Variants in PARVA observed in about 807,000 individuals in gnomAD.
The protein encoded by PARVA is parvin alpha, also known as alpha-parvin.
PARVA carries 25 observed loss-of-function variants against 52.6 expected under a neutral mutation model. That is an observed-to-expected ratio of 0.48 (90% CI 0.35 to 0.66). The LOEUF is 0.66. Ranked by LOEUF, PARVA falls within the 30% of genes least tolerant of loss-of-function variation. The pLI is 0.01. For synonymous variants in PARVA, 185 were observed against 179.1 expected, an observed-to-expected ratio of 1.03 and a Z score of -0.26; for missense variants, 373 against 450.9, an observed-to-expected ratio of 0.83 and a Z score of 1.56.
intron 8 of PARVA, chr11:12,513,037 A>G: frequency 1.6e-6 from 1 of 641,516 alleles, no homozygotes; most frequent in Non-Finnish European, 2.9e-6. Flanking sequence ...CCCGGGTCAC[A>G]CTACCTAAAA....
chr11:12,447,649 G>C (rs1472155705), intron 1 of PARVA, among the ~76,000 whole-genome samples: 1 of 152,114 alleles, frequency 6.6e-6, no homozygotes, highest in Admixed American at 6.5e-5. Context: ...TTTAATAGTA[G>C]AAAAAAACTG....
At position 12,453,075 on chromosome 11, in the gene PARVA, C is replaced by T. The variant is rs144640047; in HGVS notation, c.137-20670C>T. 2.4e-3 allele frequency: 1,070 copies of T among 454,088 alleles called. 7 individuals carry two copies. The highest frequency in any genetic ancestry group is 0.011 in the African/African-American group (567 of 49,916). The allele number at this position is 454,088 out of a possible 1,614,324, so 28.1% of individuals were successfully genotyped here. ...AAAGTTGAACGTGCTGTGGTGGGAG[C>T]GATTCTTTGTTGGGGGGGCGCCCTG... On this transcript the variant is annotated intron_variant, in intron 1 of 12. Transcript: ENST00000334956.
chr11:12,396,906 CTCCTTTCCTTTCATGTACTTGTTTTCTT>C (rs1295009859), intron 1 of PARVA, among the ~76,000 whole-genome samples: 88 of 148,592 alleles, frequency 5.9e-4, no homozygotes, highest in East Asian at 1.4e-3. Flanking sequence ...TTCTTCCTTT[CTCCTTTCCTTTCATGTACTTGTTTTCTT>C]TCCTTTCCTT....
At chr11:12,387,356 C>T (rs564426600) in intron 1 of PARVA, among the ~76,000 whole-genome samples, 41 of 152,244 alleles carry the variant, frequency 2.7e-4, no homozygotes, top group South Asian at 1.2e-3. Context: ...TGAGGGTAGC[C>T]GTTGTGTGGT....
chr11:12,456,549 C>T (rs1393357317), intron 1 of PARVA, among the ~76,000 whole-genome samples: 1 of 152,056 alleles, frequency 6.6e-6, no homozygotes, highest in African/African-American at 2.4e-5. Flanking sequence ...GGATTAAACT[C>T]ATACTTGGTA....
At position 12,531,993 on chromosome 11, in the gene PARVA, CTG is replaced by C. The variant is rs1369825346; in HGVS notation, c.*4072_*4073del. Among the ~76,000 whole-genome samples the C allele has an allele frequency of 2.0e-5, 3 of 152,302 alleles. No homozygotes were observed. The highest frequency in any genetic ancestry group is 2.1e-4 in the South Asian group (1 of 4,824). On this transcript the variant is annotated 3_prime_UTR_variant, in exon 13 of 13. Transcript: ENST00000334956. ...ACATTTACAAATACCAGAGTTTCGA[CTG>C]TGTTTTTACTCTCTGCTCCCTGAAA... is the stretch of plus-strand genomic sequence containing the variant.
chr11:12,482,884 G>T (rs1245184588), intron 4 of PARVA, among the ~76,000 whole-genome samples: 2 of 152,192 alleles, frequency 1.3e-5, no homozygotes, highest in African/African-American at 4.8e-5. Flanking sequence ...TGAGATTTGG[G>T]CAAGGACACA....
chr11:12,458,249 T>C (rs1046865405), intron 1 of PARVA, among the ~76,000 whole-genome samples: 11 of 152,182 alleles, frequency 7.2e-5, no homozygotes, highest in African/African-American at 2.4e-4. Flanking sequence ...CATGAAATAA[T>C]GAATGGACAG....
chr11:12,504,136 C>A (rs368301650), intron 5 of PARVA, among the ~76,000 whole-genome samples, 178 bp from the exon 6 acceptor site: 1 of 152,110 alleles, frequency 6.6e-6, no homozygotes. Flanking sequence ...CCCCACAATC[C>A]AAATACCTCC....
intron 1 of PARVA, among the ~76,000 whole-genome samples, chr11:12,469,318 G>A (rs745497190): frequency 6.6e-6 from 1 of 151,430 alleles, no homozygotes; most frequent in Admixed American, 6.6e-5. Context: ...CACTTCAGGG[G>A]TTCAGGCAAT....
At chr11:12,387,862 C>T (rs1211928814) in intron 1 of PARVA, among the ~76,000 whole-genome samples, 5 of 151,994 alleles carry the variant, frequency 3.3e-5, no homozygotes, top group Middle Eastern at 3.4e-3. Context: ...TGGCATGGTA[C>T]GTATTTATAT....
intron 4 of PARVA, chr11:12,478,878 C>T (rs77111668): frequency 0.12 from 18,584 of 152,270 alleles, 1,309 homozygotes; most frequent in Non-Finnish European, 0.17. Context: ...TCCAGTCTTG[C>T]CTGTACTTAT....
chr11:12,425,817 A>T (rs1398420198), intron 1 of PARVA, among the ~76,000 whole-genome samples: 1 of 152,212 alleles, frequency 6.6e-6, no homozygotes, highest in Non-Finnish European at 1.5e-5. Context: ...CTTATTGAAT[A>T]AGTGTGTTGA....
At chr11:12,511,625 G>A in intron 8 of PARVA, 92 bp downstream of exon 8, 2 of 1,349,210 alleles carry the variant, frequency 1.5e-6, no homozygotes. Context: ...CTCTCAGCTT[G>A]TCACCTGGAT....
chr11:12,460,394 T>C (rs1268061222), intron 1 of PARVA, among the ~76,000 whole-genome samples: 2 of 152,166 alleles, frequency 1.3e-5, no homozygotes, highest in East Asian at 1.9e-4. Context: ...TACCTACTCA[T>C]TGGATTGTTG....
At chr11:12,496,379 AATAACTGAGTAAGTGCATGCAGTAGGGT>A in intron 4 of PARVA, 51 bp from the exon 5 acceptor site, 2 of 1,436,780 alleles carry the variant, frequency 1.4e-6, no homozygotes, top group South Asian at 2.6e-5. Context: ...TGAGAGACCG[AATAACTGAGTAAGTGCATGCAGTAGGGT>A]TGTCTGGGGC....
intron 4 of PARVA, among the ~76,000 whole-genome samples, chr11:12,493,612 T>TAAA (rs11390518): frequency 6.9e-6 from 1 of 145,846 alleles, no homozygotes; most frequent in Non-Finnish European, 1.5e-5. Context: ...TACCAGACGC[T>TAAA]AAAAAAAAAA....
At chr11:12,467,137 G>T (rs988829821) in intron 1 of PARVA, among the ~76,000 whole-genome samples, 2 of 152,220 alleles carry the variant, frequency 1.3e-5, no homozygotes, top group Admixed American at 1.3e-4. Context: ...TACTATAAAT[G>T]ATACTGTGTT....
chr11:12,511,134 T>C (rs1941497353), intron 7 of PARVA, among the ~76,000 whole-genome samples: 1 of 152,126 alleles, frequency 6.6e-6, no homozygotes, highest in Non-Finnish European at 1.5e-5. Context: ...TTGAGCTCAC[T>C]CGTAAGAATT....
Sources: allele counts gnomAD v4.1 joint callset (sites outside exome capture counted in the v4.1 genomes callset), GRCh38; gene constraint gnomAD v4.1.1; transcripts MANE v1.5; gene names NCBI Gene and HGNC (gene_info 2026-07-23, HGNC 2026-07-21).